The following FBXO32 variants were observed in gnomAD, a reference collection of about 807,000 sequenced individuals.
FBXO32 encodes F-box protein 32, also known as F-box only protein 32.
Under a neutral mutation model 48.3 loss-of-function variants are expected in FBXO32, and 15 were observed. The observed-to-expected ratio is 0.31, with a 90% confidence interval of 0.21 to 0.48. FBXO32 has a LOEUF of 0.48. Ranked by LOEUF, FBXO32 falls within the 20% of genes least tolerant of loss-of-function variation. FBXO32 has a pLI of 0.99. For missense variants in FBXO32, 309 were observed against 432.7 expected (o/e 0.71, Z 2.54); for synonymous variants, 154 against 165.9 (o/e 0.93, Z 0.55).
chr8:123,524,053 T>C (rs1041662544), intron 4 of FBXO32, among the ~76,000 whole-genome samples: 6 of 152,222 alleles, frequency 3.9e-5, no homozygotes, highest in Non-Finnish European at 7.3e-5. Flanking sequence ...TATGCATAAA[T>C]TGAGAGTGCA....
intron 3 of FBXO32, among the ~76,000 whole-genome samples, chr8:123,532,488 G>A (rs1338176532): frequency 1.3e-5 from 2 of 152,046 alleles, no homozygotes; most frequent in Admixed American, 1.3e-4. Flanking sequence ...GGAAGCAAAA[G>A]TTTTGATCTT....
At chr8:123,532,141 C>T in intron 3 of FBXO32, 151 bp from the exon 4 acceptor site, 2 of 1,421,786 alleles carry the variant, frequency 1.4e-6, no homozygotes, top group Non-Finnish European at 1.8e-6. Flanking sequence ...CTTTCCTGTA[C>T]CCACAAGCCC....
chr8:123,532,057 C>G, intron 3 of FBXO32, 67 bp from the exon 4 acceptor site: 1 of 1,595,946 alleles, frequency 6.3e-7, no homozygotes, highest in South Asian at 1.1e-5. Context: ...TAAGAATGAG[C>G]CAGTTAGAAC....
At position 123,501,921 on chromosome 8, in the gene FBXO32, C is replaced by G. The variant is rs563661543; in HGVS notation, c.*1452G>C. On this transcript the variant is annotated 3_prime_UTR_variant, in exon 9 of 9. Transcript: ENST00000517956. Reference sequence around the variant, plus strand: ...ACAATATTCTGTAAAAAGTAAAAAACTGGGAGTAGATCCCCCATCTATTCC... The same window carrying G: ...ACAATATTCTGTAAAAAGTAAAAAAGTGGGAGTAGATCCCCCATCTATTCC... 2.0e-5 allele frequency: 3 copies of G among 151,998 alleles called. No homozygotes were observed. Among genetic ancestry groups the G allele is most frequent in the Admixed American group, 6.5e-5 (1 of 15,274 alleles). 9.4% of individuals were successfully genotyped at this position (151,998 alleles called of 1,614,324 possible). A position where few individuals can be genotyped will look rare whatever the true frequency, so the allele number is the denominator to read the frequency against.
chr8:123,511,747 A>G (rs1304559062), intron 6 of FBXO32, among the ~76,000 whole-genome samples: 1 of 152,164 alleles, frequency 6.6e-6, no homozygotes, highest in Non-Finnish European at 1.5e-5. Context: ...AAGTGCTGGG[A>G]TTACAGACAT....
At chr8:123,532,169 G>T in intron 3 of FBXO32, 179 bp from the exon 4 acceptor site, 1 of 1,374,782 alleles carries the variant, frequency 7.3e-7, no homozygotes, top group Non-Finnish European at 9.4e-7. Context: ...CCACCAAGAT[G>T]GGTAACACAG....
intron 6 of FBXO32, among the ~76,000 whole-genome samples, chr8:123,510,257 T>C (rs978641905): frequency 5.9e-5 from 9 of 152,230 alleles, no homozygotes; most frequent in African/African-American, 1.7e-4. Context: ...GTTGACACTA[T>C]TGCAACTATT....
intron 4 of FBXO32, among the ~76,000 whole-genome samples, chr8:123,519,479 A>G (rs1054620266): frequency 6.8e-6 from 1 of 146,568 alleles, no homozygotes; most frequent in Non-Finnish European, 1.5e-5. Context: ...TGAACCCGGG[A>G]GGCAGAGCTT....
chr8:123,504,714 G>A lies in FBXO32; in HGVS notation c.868C>T (p.Gln290Ter). The A allele has an allele frequency of 6.2e-7, 1 of 1,613,918 alleles. No individual in the cohort carries two copies. The highest frequency in any genetic ancestry group is 8.5e-7 in the Non-Finnish European group (1 of 1,179,904). Residue 290 changes from glutamine (Q) to a stop codon, truncating the protein, a stop_gained, in exon 8 of 9, where the codon CAG (glutamine) becomes TAG (stop). Transcript: ENST00000517956. LOFTEE classifies it high-confidence loss of function. The stretch of plus-strand genomic sequence containing the variant: ...AAATACATCTTCTTCCAATCCAGCT[G>A]CCCTTTGTCTGACAGAATTAATCGT... ...RKRLILSDKGQLDWKKMYFKL... is the reference protein window; with the variant it reads ...RKRLILSDKG
Position 123,540,066 on chromosome 8 carries a change from A to G in FBXO32, c.116+833T>C, listed in dbSNP as rs1303019461. On this transcript the variant is annotated intron_variant, in intron 1 of 8. Transcript: ENST00000517956. The surrounding 1 kb of genome is among the most constrained non-coding windows in gnomAD (Gnocchi z 6.4). ...CGCAGCGGACCTCAGGTTTCCCGCC[A>G]GACCACAGAGCTCAGGTGAGGCCTC... Among the ~76,000 whole-genome samples the G allele has an allele frequency of 6.6e-6, 1 of 152,194 alleles. No individual in the cohort carries two copies. Among genetic ancestry groups the G allele is most frequent in the African/African-American group, 2.4e-5 (1 of 41,456 alleles).
intron 1 of FBXO32, among the ~76,000 whole-genome samples, chr8:123,536,788 C>T (rs919697456): frequency 1.3e-5 from 2 of 152,196 alleles, no homozygotes; most frequent in Admixed American, 1.3e-4. Context: ...GTGATCATTA[C>T]TTAGCAAGTT....
rs544015843 is a variant in FBXO32 at position 123,533,135 on chromosome 8, C to T, written c.279+56G>A. The T allele has an allele frequency of 4.0e-5, 53 of 1,315,532 alleles. No homozygotes were observed. In the African/African-American group the frequency reaches 5.7e-4, roughly 14 times the overall value. 81.5% of individuals were successfully genotyped at this position (1,315,532 alleles called of 1,614,324 possible). On this transcript the variant is annotated intron_variant, in intron 3 of 8. Coordinates refer to ENST00000517956, the MANE Select transcript of FBXO32 (RefSeq NM_058229.4). ...TCCCTCCCTACCATATCCCTCCCTG[C>T]GCTATCAGGAAGGGATAAGGTTCAG... is the stretch of plus-strand genomic sequence containing the variant.
intron 8 of FBXO32, among the ~76,000 whole-genome samples, chr8:123,503,858 A>G (rs1816552819): frequency 6.6e-6 from 1 of 152,192 alleles, no homozygotes; most frequent in African/African-American, 2.4e-5. Flanking sequence ...CAGGTGGATC[A>G]CTCGAAGTCA....
rs943038337 is a variant in FBXO32, at chr8:123,502,386, G to A, written c.*987C>T. On this transcript the variant is annotated 3_prime_UTR_variant, in exon 9 of 9. Transcript: ENST00000517956. ...AAGGAAGTCTTCACAGCTATTGATT[G>A]GGTGACCAATTCTATCATCTTTTCT... 1.3e-5 allele frequency: 2 copies of A among 152,230 alleles called. No homozygotes were observed. Among genetic ancestry groups the A allele is most frequent in the African/African-American group, 4.8e-5 (2 of 41,432 alleles). 9.4% of individuals were successfully genotyped at this position (152,230 alleles called of 1,614,324 possible).
At chr8:123,511,424 T>A (rs1586990873) in intron 6 of FBXO32, among the ~76,000 whole-genome samples, 1 of 150,968 alleles carries the variant, frequency 6.6e-6, no homozygotes, top group Non-Finnish European at 1.5e-5. Flanking sequence ...TCCTTGGAAG[T>A]GGACAGAGGG....
chr8:123,509,846 T>C (rs754205207), intron 6 of FBXO32, among the ~76,000 whole-genome samples: 2 of 152,186 alleles, frequency 1.3e-5, no homozygotes, highest in African/African-American at 2.4e-5. Flanking sequence ...GTACAGTGGT[T>C]GAAAGCACAG....
chr8:123,530,796 T>G (rs1817186796), intron 4 of FBXO32, among the ~76,000 whole-genome samples: 1 of 151,142 alleles, frequency 6.6e-6, no homozygotes, highest in Non-Finnish European at 1.5e-5. Context: ...TTTTTGTATT[T>G]TTAGTAGAGA....
rs1357652393 is a variant in FBXO32 at position 123,498,944 on chromosome 8, C to T, written c.*4429G>A. 1 of 152,202 alleles carries T rather than the reference C, an allele frequency of 6.6e-6. No individual in the cohort carries two copies. Among genetic ancestry groups the T allele is most frequent in the East Asian group, 1.9e-4 (1 of 5,188 alleles). The allele number at this position is 152,202 out of a possible 1,614,324, so 9.4% of individuals were successfully genotyped here. A position where few individuals can be genotyped will look rare whatever the true frequency, so the allele number is the denominator to read the frequency against. On this transcript the variant is annotated 3_prime_UTR_variant, in exon 9 of 9. Coordinates refer to ENST00000517956, the MANE Select transcript of FBXO32 (RefSeq NM_058229.4). Reference sequence around the variant, plus strand: ...GACTTGAAATGGAAACGTTAACAGCCACATGCCCAATGCTGGGCAGTCTCC... The same window carrying T: ...GACTTGAAATGGAAACGTTAACAGCTACATGCCCAATGCTGGGCAGTCTCC...
In FBXO32 at chr8:123,501,402, TTAGA is replaced by T. The variant is rs1816484046; in HGVS notation, c.*1967_*1970del. 1 of 127,136 alleles carries T rather than the reference TTAGA, an allele frequency of 7.9e-6. No homozygotes were observed. Among genetic ancestry groups the T allele is most frequent in the South Asian group, 2.8e-4 (1 of 3,596 alleles). 7.9% of individuals were successfully genotyped at this position (127,136 alleles called of 1,614,324 possible). The stretch of plus-strand genomic sequence containing the variant: ...AAAAAAACAAAACAAAACACACACC[TTAGA>T]TAGAATAATGGTTCGTGACCTTCCA... On this transcript the variant is annotated 3_prime_UTR_variant, in exon 9 of 9. Transcript: ENST00000517956.
Sources: allele counts gnomAD v4.1 joint callset (sites outside exome capture counted in the v4.1 genomes callset), GRCh38; gene constraint gnomAD v4.1.1; non-coding constraint Gnocchi (gnomAD v3.1); transcripts MANE v1.5; gene names NCBI Gene and HGNC (gene_info 2026-07-23, HGNC 2026-07-21).